The following ADGRB3 variants were observed in gnomAD, a reference collection of about 807,000 sequenced individuals.
ADGRB3 encodes the protein adhesion G protein-coupled receptor B3, also known as brain-specific angiogenesis inhibitor 3.
A neutral mutation model predicts 193.4 loss-of-function variants in ADGRB3; 37 were observed. The ratio of observed to expected loss-of-function variants is 0.19; its 90% CI spans 0.15 to 0.25. The LOEUF (loss-of-function observed/expected upper bound fraction) is 0.25. Ranked by LOEUF, ADGRB3 falls within the 10% of genes least tolerant of loss-of-function variation. The pLI, the probability that ADGRB3 is intolerant of heterozygous loss-of-function variation, is 1.00. For missense variants in ADGRB3, 1,637 were observed against 1,852.9 expected, an observed-to-expected ratio of 0.88 and a Z score of 2.14; for synonymous variants, 690 against 644.2, an observed-to-expected ratio of 1.07 and a Z score of -1.08.
chr6:69,149,234 T>G (rs1360022228), intron 17 of ADGRB3, among the ~76,000 whole-genome samples: 4 of 152,008 alleles, frequency 2.6e-5, no homozygotes, highest in African/African-American at 7.2e-5. Flanking sequence ...CTATTATTTT[T>G]TCCTTTTATT....
intron 17 of ADGRB3, among the ~76,000 whole-genome samples, chr6:69,201,287 T>G (rs747162928): frequency 3.9e-5 from 6 of 152,080 alleles, no homozygotes; most frequent in Non-Finnish European, 7.4e-5. Context: ...CTCCCCTCTC[T>G]CCCCACCTTG....
At chr6:68,880,067 A>G (rs1279949750) in intron 3 of ADGRB3, among the ~76,000 whole-genome samples, 2 of 152,190 alleles carry the variant, frequency 1.3e-5, no homozygotes, top group African/African-American at 4.8e-5. Flanking sequence ...TAATAGCGAG[A>G]CATGGTCAGA....
intron 17 of ADGRB3, chr6:69,232,367 A>C: frequency 7.2e-7 from 1 of 1,385,158 alleles, no homozygotes; most frequent in Non-Finnish European, 9.4e-7. Flanking sequence ...ACGTAGGTTG[A>C]TACCATTTTT....
rs762760448 is a variant in ADGRB3, at chr6:69,348,659, C to CA, written c.3460-5562dup. On this transcript the variant is annotated intron_variant, in intron 26 of 31. Coordinates refer to ENST00000370598, the MANE Select transcript of ADGRB3 (RefSeq NM_001704.3). The stretch of plus-strand genomic sequence containing the variant: ...CCTGCATGACAGAGCAAGACTCTGC[C>CA]AAAAAAAAAAAAGAAGAAGAGTAGG... Among the ~76,000 whole-genome samples, 183 of 131,308 alleles carry CA rather than the reference C, an allele frequency of 1.4e-3. 2 individuals carry two copies. The highest frequency in any genetic ancestry group is 7.6e-3 in the East Asian group (35 of 4,586). The allele number at this position is 131,308 out of a possible 152,430, so 86.1% of individuals were successfully genotyped here.
At chr6:69,070,145 G>A (rs1772039369) in intron 16 of ADGRB3, among the ~76,000 whole-genome samples, 1 of 152,082 alleles carries the variant, frequency 6.6e-6, no homozygotes, top group Non-Finnish European at 1.5e-5. Flanking sequence ...GCCCTTAGCT[G>A]CCTTGCCTAT....
At chr6:68,920,972 A>T (rs1014258073) in intron 3 of ADGRB3, among the ~76,000 whole-genome samples, 13 of 152,198 alleles carry the variant, frequency 8.5e-5, no homozygotes, top group East Asian at 5.8e-4. Context: ...ACAGATTTTT[A>T]AAAATACGCT....
chr6:69,368,182 G>C (rs1414358945), intron 29 of ADGRB3, among the ~76,000 whole-genome samples: 2 of 152,040 alleles, frequency 1.3e-5, no homozygotes, highest in African/African-American at 2.4e-5. Context: ...TTTTTCCATC[G>C]ATTCAACTAT....
At chr6:68,874,860 G>A (rs1166241974) in intron 3 of ADGRB3, among the ~76,000 whole-genome samples, 1 of 152,054 alleles carries the variant, frequency 6.6e-6, no homozygotes, top group Non-Finnish European at 1.5e-5. Flanking sequence ...GATTCACAGA[G>A]TAAAATTTTG....
At chr6:68,827,258 C>T (rs1255315967) in intron 3 of ADGRB3, among the ~76,000 whole-genome samples, 3 of 151,804 alleles carry the variant, frequency 2.0e-5, no homozygotes, top group Admixed American at 6.6e-5. Flanking sequence ...GATCAAGTGC[C>T]CTAAGTGGTA....
chr6:68,777,533 TA>T lies in ADGRB3; in HGVS notation c.757+138103del, dbSNP rs1293467249. Among the ~76,000 whole-genome samples, 7 of 151,876 alleles carry T rather than the reference TA, an allele frequency of 4.6e-5. No homozygotes were observed. The East Asian group carries it at 1.2e-3, about 25-fold the overall frequency. ...TGATCAGGGATAAAAGGCACAGGTGTAAGGGAAAAATATCTTTGGACACATA... is the reference window on the plus strand; with the variant it reads ...TGATCAGGGATAAAAGGCACAGGTGTAGGGAAAAATATCTTTGGACACATA... On this transcript the variant is annotated intron_variant, in intron 3 of 31. Transcript: ENST00000370598.
chr6:68,956,935 A>C, intron 8 of ADGRB3, 126 bp downstream of exon 8: 1 of 1,071,764 alleles, frequency 9.3e-7, no homozygotes, highest in South Asian at 1.7e-5. Flanking sequence ...ATAGGTGGCA[A>C]TTTACTTGTT....
At chr6:68,797,088 C>T (rs1767223297) in intron 3 of ADGRB3, among the ~76,000 whole-genome samples, 1 of 152,144 alleles carries the variant, frequency 6.6e-6, no homozygotes, top group Admixed American at 6.6e-5. Flanking sequence ...AGCCATGACA[C>T]GGAACTGAAG....
chr6:68,845,330 A>G (rs1768252859), intron 3 of ADGRB3, among the ~76,000 whole-genome samples: 3 of 152,176 alleles, frequency 2.0e-5, no homozygotes, highest in Non-Finnish European at 4.4e-5. Context: ...TGATGCATCT[A>G]TAAGTCAAGG....
chr6:69,274,479 C>CCTTCCTTCCTCCCTTCCTT (rs1582596796), intron 20 of ADGRB3, among the ~76,000 whole-genome samples: 2 of 73,778 alleles, frequency 2.7e-5, no homozygotes, highest in Admixed American at 1.4e-4. Flanking sequence ...CTTCCTTCCT[C>CCTTCCTTCCTCCCTTCCTT]CCTCCCTCCC....
intron 26 of ADGRB3, among the ~76,000 whole-genome samples, chr6:69,345,750 G>A (rs1415923564): frequency 1.3e-5 from 2 of 151,954 alleles, no homozygotes; most frequent in Non-Finnish European, 2.9e-5. Context: ...GAAACTTCTG[G>A]CCAGGGCAAT....
At chr6:68,745,210 G>C (rs1373944921) in intron 3 of ADGRB3, among the ~76,000 whole-genome samples, 1 of 152,154 alleles carries the variant, frequency 6.6e-6, no homozygotes, top group Non-Finnish European at 1.5e-5. Context: ...ATTGACCATT[G>C]ACAGAAGAAT....
chr6:68,987,784 T>C (rs977549277), intron 10 of ADGRB3, among the ~76,000 whole-genome samples: 3 of 152,122 alleles, frequency 2.0e-5, no homozygotes, highest in African/African-American at 7.2e-5. Context: ...AAAGCTCAAG[T>C]GAGGTACCCC....
At chr6:69,023,985 A>T (rs142277234) in intron 13 of ADGRB3, among the ~76,000 whole-genome samples, 26 of 152,302 alleles carry the variant, frequency 1.7e-4, no homozygotes, top group African/African-American at 6.3e-4. Flanking sequence ...TATAGCCCCC[A>T]AGTGAAAAAA....
chr6:68,850,073 C>G (rs925965555), intron 3 of ADGRB3, among the ~76,000 whole-genome samples: 1 of 151,626 alleles, frequency 6.6e-6, no homozygotes, highest in Non-Finnish European at 1.5e-5. Context: ...GGCATGTTAT[C>G]GTTTACATTG....
Sources: gnomAD v4.1 joint callset for allele counts (sites outside exome capture counted in the v4.1 genomes callset) on GRCh38, gnomAD v4.1.1 for gene constraint, MANE v1.5 for transcripts, NCBI Gene and HGNC (gene_info 2026-07-23, HGNC 2026-07-21) for gene names.